The following PSD variants were observed in gnomAD, a reference collection of about 807,000 sequenced individuals.
The protein encoded by PSD is pleckstrin and Sec7 domain containing.
Under a neutral mutation model 91.6 loss-of-function variants are expected in PSD, and 32 were observed. The ratio of observed to expected loss-of-function variants is 0.35; its 90% CI spans 0.26 to 0.47. The LOEUF (loss-of-function observed/expected upper bound fraction) is 0.47. Among genes scored for constraint, PSD ranks in the 20% least tolerant of loss-of-function variants. The pLI, the probability that PSD is intolerant of heterozygous loss-of-function variation, is 1.00. For missense variants in PSD, 1,099 were observed against 1,373.9 expected (o/e 0.80, Z 3.16); for synonymous variants, 532 against 569.3 (o/e 0.93, Z 0.93).
In PSD at chr10:102,403,077, G is replaced by A. The variant is rs1366653009; in HGVS notation, c.*123C>T. The A allele has an allele frequency of 2.7e-6, 2 of 730,826 alleles. No homozygotes were observed. The highest frequency in any genetic ancestry group is 2.5e-5 in the South Asian group (1 of 40,676). 45.3% of individuals were successfully genotyped at this position (730,826 alleles called of 1,614,324 possible). ...AGCCCTGCCCTGCCCCGGACACCGCGTCCGGCGCGGTCGGGCCCTAGGCCG... is the reference window on the plus strand; with the variant it reads ...AGCCCTGCCCTGCCCCGGACACCGCATCCGGCGCGGTCGGGCCCTAGGCCG... On this transcript the variant is annotated 3_prime_UTR_variant, in exon 17 of 17. Transcript: ENST00000020673. The surrounding 1 kb of genome is among the most constrained non-coding windows in gnomAD (Gnocchi z 6.7).
rs2061353759 is a variant in PSD, at chr10:102,405,756, C to A, written c.2136-220G>T. On this transcript the variant is annotated intron_variant, in intron 11 of 16. Coordinates refer to ENST00000020673, the MANE Select transcript of PSD (RefSeq NM_002779.5). This position sits in a 1 kb window ranked among gnomAD's most constrained non-coding sequence, Gnocchi z 5.4. ...TCCCTCAGAGCTCCCCAGCCTAGAG[C>A]CACCACTGTCCCTTCCTCCCAGCAA... The A allele has an allele frequency of 1.8e-6, 1 of 561,766 alleles. No individual in the cohort carries two copies. The highest frequency in any genetic ancestry group is 3.2e-6 in the Non-Finnish European group (1 of 314,210). The allele number at this position is 561,766 out of a possible 1,614,324, so 34.8% of individuals were successfully genotyped here. A position where few individuals can be genotyped will look rare whatever the true frequency, so the allele number is the denominator to read the frequency against.
In PSD at chr10:102,405,488, G is replaced by T. The variant is rs771553392; in HGVS notation, c.2184C>A (p.Asn728Lys). 6.2e-6 allele frequency: 10 copies of T among 1,613,900 alleles called. No individual in the cohort carries two copies. Among genetic ancestry groups the T allele is most frequent in the African/African-American group, 1.3e-5 (1 of 74,906 alleles). ...RRSLSELADP[N>K]PKVIKRISGG... ...CGCTGATCCGCTTGATGACCTTGGG[G>T]TTGGGGTCGGCCAACTCAGACAGAG... Residue 728 changes from asparagine (N) to lysine (K), a missense_variant, in exon 12 of 17, where the codon AAC becomes AAA. Asn to Lys is a moderately conservative substitution (Grantham distance 94, BLOSUM62 0). Around this residue, in one of 3 missense-constraint regions of PSD, gnomAD observed 358 missense variants for 426.5 expected, o/e 0.84. Transcript: ENST00000020673. The surrounding 1 kb of genome is among the most constrained non-coding windows in gnomAD (Gnocchi z 5.4).
chr10:102,417,176 G>C, intron 1 of PSD, 55 bp from the exon 2 acceptor site: 5 of 600,076 alleles, frequency 8.3e-6, no homozygotes, highest in Non-Finnish European at 1.2e-5. Flanking sequence ...AGATGGATAG[G>C]ACAGCAGAGA....
At chr10:102,417,254 C>A (rs1411127524) in intron 1 of PSD, 133 bp from the exon 2 acceptor site, 1 of 543,890 alleles carries the variant, frequency 1.8e-6, no homozygotes, top group East Asian at 3.3e-5. Flanking sequence ...AATATGGGAT[C>A]ATTGATCCCA....
In PSD at chr10:102,414,319, C is replaced by T; in HGVS notation, c.1125-122G>A. On this transcript the variant is annotated intron_variant, in intron 4 of 16. Coordinates refer to ENST00000020673, the MANE Select transcript of PSD (RefSeq NM_002779.5). This position sits in a 1 kb window ranked among gnomAD's most constrained non-coding sequence, Gnocchi z 5.6. ...TCATCCCCTTTTCACTGGCTCCAGC[C>T]CACTAACAAAAAAGAGCCTCTAGGG... The T allele has an allele frequency of 9.8e-7, 1 of 1,020,592 alleles. No individual in the cohort carries two copies. Among genetic ancestry groups the T allele is most frequent in the Non-Finnish European group, 1.4e-6 (1 of 706,610 alleles). 63.2% of individuals were successfully genotyped at this position (1,020,592 alleles called of 1,614,324 possible). A position where few individuals can be genotyped will look rare whatever the true frequency, so the allele number is the denominator to read the frequency against.
At position 102,404,694 on chromosome 10, in the gene PSD, G is replaced by A. The variant is rs1407350394; in HGVS notation, c.2589C>T (p.Arg863=). 6.2e-7 allele frequency: 1 copy of A among 1,600,832 alleles called. No individual in the cohort carries two copies. Among genetic ancestry groups the A allele is most frequent in the East Asian group, 2.2e-5 (1 of 44,794 alleles). ...AGAACATAGCGGCTACTACATTGAT[G>A]CGAGTGATCCAGGACTGCATCTGCT... The part of the protein sequence containing the change: ...SLEQMQSWIT[R]INVVAAMFSA... The change falls in exon 15 of 17, where the codon CGC becomes CGT. Residue 863 remains arginine, a synonymous_variant. Transcript: ENST00000020673. This position sits in a 1 kb window ranked among gnomAD's most constrained non-coding sequence, Gnocchi z 5.7.
In PSD at chr10:102,416,723, C is replaced by A; in HGVS notation, c.316G>T (p.Val106Leu). The change falls in exon 2 of 17, where the codon GTG (valine) becomes TTG (leucine). Residue 106 changes from valine to leucine, a missense_variant. By Grantham distance (32) the Val-to-Leu change is conservative (BLOSUM62 1). Around this residue, in one of 3 missense-constraint regions of PSD, gnomAD observed 631 missense variants for 728.8 expected, o/e 0.87. Transcript: ENST00000020673. The surrounding 1 kb of genome is among the most constrained non-coding windows in gnomAD (Gnocchi z 6.0). ...AQSSVVIFRFVEKASVRPLNG... is the reference protein window; with the variant it reads ...AQSSVVIFRFLEKASVRPLNG... Reference sequence around the variant, plus strand: ...AGTGGCCTCACACTGGCCTTCTCCACAAAGCGGAAGATGACCACAGAGCTC... The same window carrying A: ...AGTGGCCTCACACTGGCCTTCTCCAAAAAGCGGAAGATGACCACAGAGCTC... 1 of 1,596,276 alleles carries A rather than the reference C, an allele frequency of 6.3e-7. No individual in the cohort carries two copies. The highest frequency in any genetic ancestry group is 1.3e-5 in the African/African-American group (1 of 74,616).
rs1453957379 is a variant in PSD at position 102,403,939 on chromosome 10, C to T, written c.2747G>A (p.Ser916Asn). Residue 916 changes from serine to asparagine, a missense_variant, in exon 16 of 17, where the codon AGT becomes AAT. By Grantham distance (46) the Ser-to-Asn change is conservative (BLOSUM62 1). Coordinates refer to ENST00000020673, the MANE Select transcript of PSD (RefSeq NM_002779.5). The surrounding 1 kb of genome is among the most constrained non-coding windows in gnomAD (Gnocchi z 6.7). ...THEAKLKAMA[S>N]ELREHRAAQL... is the part of the protein sequence containing the mutation. Reference sequence around the variant, plus strand: ...GGCGGCCCGGTGCTCCCGCAGCTCACTTGCCATGGCCTTCAGCTTGGCCTC... The same window carrying T: ...GGCGGCCCGGTGCTCCCGCAGCTCATTTGCCATGGCCTTCAGCTTGGCCTC... The T allele has an allele frequency of 4.4e-6, 7 of 1,584,046 alleles. No homozygotes were observed. Among genetic ancestry groups the T allele is most frequent in the Non-Finnish European group, 6.0e-6 (7 of 1,165,376 alleles).
In PSD at chr10:102,415,127, T is replaced by G. The variant is rs1297262392; in HGVS notation, c.860A>C (p.Asp287Ala). 1 of 1,613,658 alleles carries G rather than the reference T, an allele frequency of 6.2e-7. No individual in the cohort carries two copies. The highest frequency in any genetic ancestry group is 8.5e-7 in the Non-Finnish European group (1 of 1,180,020). Residue 287 changes from aspartate to alanine, a missense_variant, in exon 4 of 17, where the codon GAC becomes GCC. This residue lies in a region of PSD where 631 missense variants were observed against 728.8 expected (regional missense o/e 0.87). Coordinates refer to ENST00000020673, the MANE Select transcript of PSD (RefSeq NM_002779.5). ...VGRAAKYSET[D>A]LDTVPLRCYR... The stretch of plus-strand genomic sequence containing the variant: ...GCACCTCAGGGGCACCGTGTCCAGG[T>G]CTGTCTCGGAGTACTTGGCTGCTCG...
rs1363939055 is a variant in PSD, at chr10:102,416,256, G to A, written c.654+129C>T. 2 of 1,264,366 alleles carry A rather than the reference G, an allele frequency of 1.6e-6. No individual in the cohort carries two copies. The highest frequency in any genetic ancestry group is 2.2e-5 in the Admixed American group (1 of 46,100). 78.3% of individuals were successfully genotyped at this position (1,264,366 alleles called of 1,614,324 possible). On this transcript the variant is annotated intron_variant, in intron 2 of 16. Coordinates refer to ENST00000020673, the MANE Select transcript of PSD (RefSeq NM_002779.5). This position sits in a 1 kb window ranked among gnomAD's most constrained non-coding sequence, Gnocchi z 6.0. The stretch of plus-strand genomic sequence containing the variant: ...CAGAGACACAGAGACAAACACAGAG[G>A]GCAAGAGAGAGGCAGATTTAGAACA...
chr10:102,409,708 C>T lies in PSD; in HGVS notation c.2091+1150G>A, dbSNP rs188399725. ...CACACCTCGATTCTGACATACACCC[C>T]AACAAACCAGACGCACCAGTTCACG... On this transcript the variant is annotated intron_variant, in intron 10 of 16. Transcript: ENST00000020673. This position sits in a 1 kb window ranked among gnomAD's most constrained non-coding sequence, Gnocchi z 5.7. Among the ~76,000 whole-genome samples the T allele has an allele frequency of 7.2e-5, 11 of 152,242 alleles. No homozygotes were observed. The highest frequency in any genetic ancestry group is 2.6e-4 in the Admixed American group (4 of 15,296).
chr10:102,409,408 G>T lies in PSD; in HGVS notation c.2091+1450C>A, dbSNP rs577388441. The T allele has an allele frequency of 4.5e-4, 428 of 959,682 alleles. No homozygotes were observed. The highest frequency in any genetic ancestry group is 4.7e-4 in the Non-Finnish European group (383 of 806,324). 59.4% of individuals were successfully genotyped at this position (959,682 alleles called of 1,614,324 possible). A position where few individuals can be genotyped will look rare whatever the true frequency, so the allele number is the denominator to read the frequency against. ...CCCGCGCGGCCACGGGGAGGAGCCT[G>T]GGGAGGCCAGCGTGGGTGGCAGCTC... On this transcript the variant is annotated intron_variant, in intron 10 of 16. Transcript: ENST00000020673. This position sits in a 1 kb window ranked among gnomAD's most constrained non-coding sequence, Gnocchi z 5.7.
In PSD at chr10:102,413,740, A is replaced by G. The variant is rs549229240; in HGVS notation, c.1553+29T>C. The G allele has an allele frequency of 6.0e-5, 95 of 1,579,174 alleles. No individual in the cohort carries two copies. The South Asian group carries it at 1.0e-3, about 17-fold the overall frequency. On this transcript the variant is annotated intron_variant, in intron 5 of 16. Coordinates refer to ENST00000020673, the MANE Select transcript of PSD (RefSeq NM_002779.5). ...CTGTTTCTGGAGCCCTGGGGGCCTC[A>G]AGTCTGAGGGACAAAAGGAATTACT...
Position 102,412,298 on chromosome 10 carries a change from T to C in PSD, c.1749-71A>G. On this transcript the variant is annotated intron_variant, in intron 6 of 16. Transcript: ENST00000020673. ...AGGGGGTCAGGTGGGGATTACCCAA[T>C]GACCAGGGGACATTAGATGGAGAGC... The C allele has an allele frequency of 2.5e-6, 4 of 1,611,370 alleles. No homozygotes were observed. The South Asian group carries it at 4.4e-5, about 18-fold the overall frequency.
intron 10 of PSD, chr10:102,408,912 G>T (rs1250543092): frequency 1.0e-6 from 1 of 987,348 alleles, no homozygotes; most frequent in Non-Finnish European, 1.2e-6. Context: ...TTCTTCTTGC[G>T]GCTCTGCAGG....
rs1289866709 is a variant in PSD, at chr10:102,405,174, A to AC, written c.2397+8dup. 6.2e-6 allele frequency: 10 copies of AC among 1,610,410 alleles called. No individual in the cohort carries two copies. The highest frequency in any genetic ancestry group is 8.5e-6 in the Non-Finnish European group (10 of 1,179,724). On this transcript the variant is annotated intron_variant, in intron 13 of 16. Coordinates refer to ENST00000020673, the MANE Select transcript of PSD (RefSeq NM_002779.5). The surrounding 1 kb of genome is among the most constrained non-coding windows in gnomAD (Gnocchi z 5.4). ...GTCCCAGCCCCAGCCCCCTGGCCTG[A>AC]CCCCGCACCTTCTGCAGGTAGAGGA...
chr10:102,409,207 C>CCCGGCCCGAG lies in PSD; in HGVS notation c.2091+1641_2091+1650dup. The CCCGGCCCGAG allele has an allele frequency of 3.1e-6, 3 of 982,508 alleles. No homozygotes were observed. Among genetic ancestry groups the CCCGGCCCGAG allele is most frequent in the Non-Finnish European group, 3.6e-6 (3 of 828,836 alleles). The allele number at this position is 982,508 out of a possible 1,614,324, so 60.9% of individuals were successfully genotyped here. ...CCGACAGCCAGCGCGAGCGGCGCGG[C>CCCGGCCCGAG]CCGGCCCGAGCCGGCCCGGCTCTCA... On this transcript the variant is annotated intron_variant, in intron 10 of 16. Coordinates refer to ENST00000020673, the MANE Select transcript of PSD (RefSeq NM_002779.5). This position sits in a 1 kb window ranked among gnomAD's most constrained non-coding sequence, Gnocchi z 5.7.
chr10:102,404,917 C>T lies in PSD; in HGVS notation c.2536G>A (p.Val846Ile), dbSNP rs967699373. The T allele has an allele frequency of 1.2e-6, 2 of 1,613,480 alleles. No individual in the cohort carries two copies. The highest frequency in any genetic ancestry group is 2.7e-5 in the African/African-American group (2 of 74,888). Residue 846 changes from valine (V) to isoleucine (I), a missense_variant, in exon 14 of 17, where the codon GTC (valine) becomes ATC (isoleucine). Coordinates refer to ENST00000020673, the MANE Select transcript of PSD (RefSeq NM_002779.5). This position sits in a 1 kb window ranked among gnomAD's most constrained non-coding sequence, Gnocchi z 5.7. ...ACTCACGGGGCCTGGAAGAGGAAGA[C>T]CCGCCAGTCAGCTGTGCGCAGGTAG... is the stretch of plus-strand genomic sequence containing the variant. ...VFYLRTADWR[V>I]FLFQAPSLEQ...
In PSD at chr10:102,414,035, C is replaced by G. The variant is rs761176924; in HGVS notation, c.1287G>C (p.Leu429Phe). Residue 429 changes from leucine to phenylalanine, a missense_variant, in exon 5 of 17, where the codon TTG (leucine) becomes TTC (phenylalanine). Around this residue, in one of 3 missense-constraint regions of PSD, gnomAD observed 631 missense variants for 728.8 expected, o/e 0.87. Transcript: ENST00000020673. The surrounding 1 kb of genome is among the most constrained non-coding windows in gnomAD (Gnocchi z 5.6). Reference sequence around the variant, plus strand: ...GGCTCTGGGTTGGGCCAGGTGAGGCCAAGGCCTCCAGCGAGGCGAGGCTGG... The same window carrying G: ...GGCTCTGGGTTGGGCCAGGTGAGGCGAAGGCCTCCAGCGAGGCGAGGCTGG... ...SYTSLASLEALASPGPTQSPF... is the reference protein window; with the variant it reads ...SYTSLASLEAFASPGPTQSPF... 1.1e-5 allele frequency: 18 copies of G among 1,613,912 alleles called. No homozygotes were observed. In the Admixed American group the frequency reaches 3.0e-4, roughly 27 times the overall value.
Sources: gnomAD v4.1 joint callset for allele counts (sites outside exome capture counted in the v4.1 genomes callset) on GRCh38, gnomAD v4.1.1 for gene constraint, gnomAD v4.1.1 regional missense constraint, Gnocchi (gnomAD v3.1) non-coding constraint, MANE v1.5 for transcripts, NCBI Gene and HGNC (gene_info 2026-07-23, HGNC 2026-07-21) for gene names.